Variants in WDPCP observed in about 807,000 individuals in gnomAD.
WDPCP encodes WD repeat-containing and planar cell polarity effector protein fritz homolog.
In WDPCP, 71 loss-of-function variants were observed where a neutral mutation model predicts 93.1. The ratio of observed to expected loss-of-function variants is 0.76; its 90% confidence interval spans 0.63 to 0.93. The LOEUF (loss-of-function observed/expected upper bound fraction) is 0.93, where lower values mean the gene tolerates loss of function less well. Among genes scored for constraint, WDPCP ranks in the 40% least tolerant of loss-of-function variants. The pLI is 0.00. For synonymous variants in WDPCP, 315 were observed against 315.0 expected (o/e 1.00, Z 0.00); for missense variants, 844 against 887.4 (o/e 0.95, Z 0.62).
chr2:63,613,860 T>G lies in WDPCP; in HGVS notation n.488+36799A>C, dbSNP rs192801812. On this transcript the variant is annotated intron_variant and non_coding_transcript_variant, in intron 3 of 4. Transcript: ENST00000467687. ...CTTGTCTGACTGAGGAAAACTTCTTTCAAAAGAAATGCAATTGTCTTAAGA... is the reference window on the plus strand; with the variant it reads ...CTTGTCTGACTGAGGAAAACTTCTTGCAAAAGAAATGCAATTGTCTTAAGA... 1.3e-3 allele frequency among the ~76,000 whole-genome samples: 198 copies of G among 152,254 alleles called. 1 individual carries two copies. Among genetic ancestry groups the G allele is most frequent in the Non-Finnish European group, 2.2e-3 (150 of 68,022 alleles).
chr2:63,534,580 C>A (rs1317108855), intron 1 of WDPCP, among the ~76,000 whole-genome samples: 1 of 152,132 alleles, frequency 6.6e-6, no homozygotes. Flanking sequence ...AAACATAATC[C>A]ATCATATAAA....
At chr2:63,424,464 T>C (rs1283325582) in intron 9 of WDPCP, among the ~76,000 whole-genome samples, 4 of 152,110 alleles carry the variant, frequency 2.6e-5, no homozygotes, top group African/African-American at 9.7e-5. Context: ...AAGGCCCCGC[T>C]TGGCCACTCC....
chr2:63,154,683 A>G (rs561736263), intron 15 of WDPCP, among the ~76,000 whole-genome samples: 1 of 152,238 alleles, frequency 6.6e-6, no homozygotes, highest in East Asian at 1.9e-4. Flanking sequence ...TCATATGGTG[A>G]ATACATGTTT....
chr2:63,530,463 TATA>T (rs1329477719), intron 1 of WDPCP, among the ~76,000 whole-genome samples: 1 of 151,350 alleles, frequency 6.6e-6, no homozygotes, highest in Non-Finnish European at 1.5e-5. Context: ...TTATGTACGG[TATA>T]AAAGACTTGG....
intron 3 of WDPCP, among the ~76,000 whole-genome samples, chr2:63,614,031 AATATAAG>A: frequency 6.6e-6 from 1 of 152,264 alleles, no homozygotes; most frequent in Non-Finnish European, 1.5e-5. Flanking sequence ...TTATTTACAT[AATATAAG>A]AACCTCCGTT....
intron 14 of WDPCP, among the ~76,000 whole-genome samples, chr2:63,237,460 C>A (rs1009439101): frequency 3.3e-5 from 5 of 152,118 alleles, no homozygotes; most frequent in South Asian, 2.1e-4. Context: ...ACAATTACAT[C>A]CAGTAATCCC....
intron 1 of WDPCP, among the ~76,000 whole-genome samples, chr2:63,528,572 C>G (rs1028111773): frequency 6.6e-6 from 1 of 152,126 alleles, no homozygotes; most frequent in Non-Finnish European, 1.5e-5. Context: ...TTCCATTGGT[C>G]TATATCTCTG....
intron 3 of WDPCP, chr2:63,622,758 C>T (rs181906211): frequency 8.1e-6 from 13 of 1,612,988 alleles, no homozygotes; most frequent in African/African-American, 2.7e-5. Flanking sequence ...ATTCGGGTAC[C>T]GCTGCCAGAA....
In WDPCP at chr2:63,552,566, G is replaced by T. The variant is rs541742329; in HGVS notation, c.75+35631C>A. Reference sequence around the variant, plus strand: ...TTTAAATGCAGGGGGTACATGTGTGGGTTTGTTATATGGGTATATTGCGTG... The same window carrying T: ...TTTAAATGCAGGGGGTACATGTGTGTGTTTGTTATATGGGTATATTGCGTG... On this transcript the variant is annotated intron_variant, in intron 1 of 17. Coordinates refer to ENST00000272321, the MANE Select transcript of WDPCP (RefSeq NM_015910.7). Among the ~76,000 whole-genome samples, 5 of 152,134 alleles carry T rather than the reference G, an allele frequency of 3.3e-5. No individual in the cohort carries two copies. In the South Asian group the frequency reaches 1.0e-3, roughly 32 times the overall value.
chr2:63,351,587 C>T (rs889257320), intron 12 of WDPCP, among the ~76,000 whole-genome samples: 8 of 152,116 alleles, frequency 5.3e-5, no homozygotes, highest in Non-Finnish European at 4.4e-5. Flanking sequence ...ATCCACACTG[C>T]TACAAAGAAC....
At chr2:63,181,586 G>T (rs1360875589) in intron 14 of WDPCP, among the ~76,000 whole-genome samples, 1 of 151,998 alleles carries the variant, frequency 6.6e-6, no homozygotes, top group East Asian at 1.9e-4. Flanking sequence ...TGCTGTTTTG[G>T]TTACTGTAAC....
intron 3 of WDPCP, among the ~76,000 whole-genome samples, chr2:63,639,996 T>A (rs1024701225): frequency 6.6e-6 from 1 of 152,062 alleles, no homozygotes; most frequent in Non-Finnish European, 1.5e-5. Flanking sequence ...GATTTAATGT[T>A]GTTTTTGTTT....
intron 6 of WDPCP, chr2:63,440,267 A>T (rs1370483201): frequency 5.8e-6 from 1 of 172,638 alleles, no homozygotes; most frequent in Non-Finnish European, 1.3e-5. Context: ...TTGAATAGTC[A>T]TTGCTACACA....
chr2:63,460,476 T>C (rs1003608044), intron 6 of WDPCP, among the ~76,000 whole-genome samples: 5 of 152,066 alleles, frequency 3.3e-5, no homozygotes, highest in Admixed American at 6.6e-5. Context: ...AAGAGAGAAC[T>C]TGAAGTAATA....
At chr2:63,129,289 A>G (rs1670135420) in intron 17 of WDPCP, among the ~76,000 whole-genome samples, 1 of 152,248 alleles carries the variant, frequency 6.6e-6, no homozygotes, top group South Asian at 2.1e-4. Flanking sequence ...TTTGGGGTGT[A>G]TACCAGAAGT....
chr2:63,217,101 A>C (rs1309017038), intron 14 of WDPCP, among the ~76,000 whole-genome samples: 1 of 152,236 alleles, frequency 6.6e-6, no homozygotes, highest in East Asian at 1.9e-4. Context: ...CACCAAACTA[A>C]GTTCAGACAA....
At chr2:63,665,336 GC>G (rs1710270229) in intron 2 of WDPCP, among the ~76,000 whole-genome samples, 1 of 152,096 alleles carries the variant, frequency 6.6e-6, no homozygotes, top group Admixed American at 6.5e-5. Context: ...ATGTTCCTTG[GC>G]CTGTAAATGC....
At chr2:63,704,438 G>T (rs1484139002) in intron 2 of WDPCP, among the ~76,000 whole-genome samples, 1 of 152,160 alleles carries the variant, frequency 6.6e-6, no homozygotes, top group Non-Finnish European at 1.5e-5. Flanking sequence ...CTGTGGGTTT[G>T]TCATAGATAG....
chr2:63,225,698 CATAAT>C (rs773214589), intron 14 of WDPCP, among the ~76,000 whole-genome samples: 1 of 151,818 alleles, frequency 6.6e-6, no homozygotes, highest in African/African-American at 2.4e-5. Flanking sequence ...ATTTCACAAA[CATAAT>C]AGTAATAAAA....
Sources: gnomAD v4.1 joint callset for allele counts (sites outside exome capture counted in the v4.1 genomes callset) on GRCh38, gnomAD v4.1.1 for gene constraint, MANE v1.5 for transcripts, NCBI Gene and HGNC (gene_info 2026-07-23, HGNC 2026-07-21) for gene names.